The following VPS53 variants were observed in gnomAD, a reference collection of about 807,000 sequenced individuals.
VPS53 encodes the protein vacuolar protein sorting-associated protein 53 homolog.
VPS53 carries 70 observed loss-of-function variants against 107.0 expected under a neutral mutation model. The observed-to-expected ratio is 0.65, with a 90% CI of 0.54 to 0.80. The LOEUF is 0.80. Ranked by LOEUF, VPS53 falls within the 30% of genes least tolerant of loss-of-function variation. The pLI is 0.00. For synonymous variants in VPS53, 409 were observed against 393.3 expected, an observed-to-expected ratio of 1.04 and a Z score of -0.47; for missense variants, 917 against 1,049.4, an observed-to-expected ratio of 0.87 and a Z score of 1.74.
At chr17:566,726 T>A (rs1273259665) in intron 13 of VPS53, among the ~76,000 whole-genome samples, 1 of 151,616 alleles carries the variant, frequency 6.6e-6, no homozygotes, top group African/African-American at 2.4e-5. Flanking sequence ...GGGTGTTTTT[T>A]TTGTTTTTTT....
In VPS53 at chr17:714,825, G is replaced by C. The variant is rs1265619227; in HGVS notation, c.-116C>G. On this transcript the variant is annotated 5_prime_UTR_variant, in exon 1 of 22. Transcript: ENST00000437048. ...GCAGCGACCTGGTGAGCCCGGCTCC[G>C]TCAGCCGCTCTGTCAGCCGCTCCGG... 8.6e-6 allele frequency: 10 copies of C among 1,165,798 alleles called. No individual in the cohort carries two copies. The highest frequency in any genetic ancestry group is 1.3e-5 in the South Asian group (1 of 79,604). The allele number at this position is 1,165,798 out of a possible 1,614,324, so 72.2% of individuals were successfully genotyped here.
At chr17:577,255 C>T (rs1023246851) in intron 13 of VPS53, among the ~76,000 whole-genome samples, 11 of 148,004 alleles carry the variant, frequency 7.4e-5, no homozygotes, top group African/African-American at 2.8e-4. Flanking sequence ...GAACCTCTGT[C>T]AGAACTCAGT....
chr17:554,713 G>A (rs536442393), intron 15 of VPS53, among the ~76,000 whole-genome samples: 18 of 152,318 alleles, frequency 1.2e-4, no homozygotes, highest in African/African-American at 2.6e-4. Context: ...GTGAGCCACC[G>A]TGCCAGGACA....
At chr17:614,039 A>G (rs980177057) in intron 11 of VPS53, among the ~76,000 whole-genome samples, 1 of 152,226 alleles carries the variant, frequency 6.6e-6, no homozygotes, top group African/African-American at 2.4e-5. Context: ...ACATCGTAGC[A>G]TCCGTTTATG....
chr17:529,938 G>A (rs1909405361), intron 19 of VPS53, among the ~76,000 whole-genome samples: 1 of 151,154 alleles, frequency 6.6e-6, no homozygotes, highest in Non-Finnish European at 1.5e-5. Context: ...TTGAGAAGTT[G>A]AGGCAGGAGG....
In VPS53 at chr17:518,932, C is replaced by T. The variant is rs779145596; in HGVS notation, c.*196G>A. 2.3e-5 allele frequency: 13 copies of T among 574,028 alleles called. No individual in the cohort carries two copies. Among genetic ancestry groups the T allele is most frequent in the Non-Finnish European group, 3.4e-5 (12 of 350,634 alleles). The allele number at this position is 574,028 out of a possible 1,614,324, so 35.6% of individuals were successfully genotyped here. The stretch of plus-strand genomic sequence containing the variant: ...ATCACCTAAATCGCCCTCTTAGAGC[C>T]CAGCCCTTACTCAGCGTCTCCGATT... On this transcript the variant is annotated 3_prime_UTR_variant, in exon 22 of 22. Transcript: ENST00000437048.
At chr17:608,908 C>T (rs1026924015) in intron 11 of VPS53, among the ~76,000 whole-genome samples, 62 of 151,868 alleles carry the variant, frequency 4.1e-4, no homozygotes, top group Non-Finnish European at 5.7e-4. Context: ...CCATTATGCC[C>T]GGCCCACTGC....
chr17:521,544 G>A, intron 20 of VPS53, 57 bp downstream of exon 20: 1 of 1,472,684 alleles, frequency 6.8e-7, no homozygotes, highest in Non-Finnish European at 9.1e-7. Flanking sequence ...CAAAACCAAG[G>A]CTTCTCAGAA....
In VPS53 at chr17:511,585, T is replaced by A. The variant is rs1315803824; in HGVS notation, c.*7543A>T. The A allele has an allele frequency of 3.9e-5, 6 of 152,116 alleles. No individual in the cohort carries two copies. Among genetic ancestry groups the A allele is most frequent in the Non-Finnish European group, 7.4e-5 (5 of 68,016 alleles). 9.4% of individuals were successfully genotyped at this position (152,116 alleles called of 1,614,324 possible). A position where few individuals can be genotyped will look rare whatever the true frequency, so the allele number is the denominator to read the frequency against. ...GGGACAGACAGAAACAGAAAGGAAC[T>A]TTTGGGCTGATTATAAGGATTCAGC... On this transcript the variant is annotated 3_prime_UTR_variant, in exon 22 of 22. Transcript: ENST00000437048.
At chr17:621,199 T>C (rs1969454171) in intron 11 of VPS53, among the ~76,000 whole-genome samples, 1 of 152,204 alleles carries the variant, frequency 6.6e-6, no homozygotes, top group African/African-American at 2.4e-5. Flanking sequence ...ACTTTTTCCA[T>C]AAAAGACATT....
intron 13 of VPS53, among the ~76,000 whole-genome samples, chr17:563,083 C>A (rs1913171740): frequency 1.3e-5 from 2 of 152,110 alleles, no homozygotes; most frequent in African/African-American, 4.8e-5. Context: ...AAATTAAGTC[C>A]TAGAAAGTTT....
chr17:677,836 C>T (rs1972228116), intron 4 of VPS53, among the ~76,000 whole-genome samples: 1 of 151,920 alleles, frequency 6.6e-6, no homozygotes, highest in Admixed American at 6.6e-5. Context: ...GAAAAAAAAC[C>T]AGGCCAGGTG....
intron 12 of VPS53, among the ~76,000 whole-genome samples, chr17:588,347 A>G (rs1472587765): frequency 1.3e-5 from 2 of 151,842 alleles, no homozygotes; most frequent in Non-Finnish European, 2.9e-5. Context: ...ACAAAAAAGA[A>G]TACTTAACAT....
In VPS53 at chr17:515,956, C is replaced by CTTTTTTTTTTTTTTTTTT. The variant is rs11361535; in HGVS notation, c.*3154_*3171dup. 43 of 109,584 alleles carry CTTTTTTTTTTTTTTTTTT rather than the reference C, an allele frequency of 3.9e-4. 1 individual carries two copies. The highest frequency in any genetic ancestry group is 2.1e-3 in the East Asian group (7 of 3,308). The allele number at this position is 109,584 out of a possible 1,614,324, so 6.8% of individuals were successfully genotyped here. A position where few individuals can be genotyped will look rare whatever the true frequency, so the allele number is the denominator to read the frequency against. On this transcript the variant is annotated 3_prime_UTR_variant, in exon 22 of 22. Transcript: ENST00000437048. ...ATTACAGGCACCCGCCACCTGCCTG[C>CTTTTTTTTTTTTTTTTTT]TTTTTTTTTTTTTTTTTTTGTATTT...
At chr17:581,191 T>TG in intron 13 of VPS53, among the ~76,000 whole-genome samples, 1 of 150,356 alleles carries the variant, frequency 6.7e-6, no homozygotes, top group African/African-American at 2.5e-5. Context: ...CCTCAGAACC[T>TG]AATGCATTCC....
intron 17 of VPS53, chr17:540,359 A>G (rs1409585922): frequency 1.3e-5 from 2 of 151,996 alleles, no homozygotes; most frequent in Non-Finnish European, 2.9e-5. Flanking sequence ...AATTAAAAAA[A>G]TATATTTTTT....
intron 4 of VPS53, chr17:676,540 G>A (rs1184751687): frequency 6.6e-6 from 1 of 152,238 alleles, no homozygotes; most frequent in African/African-American, 2.4e-5. Flanking sequence ...GAGACGCAGA[G>A]TCTAGTTTAA....
chr17:706,891 CT>C (rs1254168236), intron 2 of VPS53, among the ~76,000 whole-genome samples: 3 of 152,156 alleles, frequency 2.0e-5, no homozygotes, highest in Non-Finnish European at 4.4e-5. Flanking sequence ...CTGCGTGAGT[CT>C]CCTGCCTGTA....
At chr17:541,806 C>A (rs1910699796) in intron 17 of VPS53, among the ~76,000 whole-genome samples, 1 of 150,454 alleles carries the variant, frequency 6.6e-6, no homozygotes, top group African/African-American at 2.5e-5. Flanking sequence ...CAAGCACCTA[C>A]CACGCACTGA....
Sources: gnomAD v4.1 joint callset for allele counts (sites outside exome capture counted in the v4.1 genomes callset) on GRCh38, gnomAD v4.1.1 for gene constraint, MANE v1.5 for transcripts, NCBI Gene and HGNC (gene_info 2026-07-23, HGNC 2026-07-21) for gene names.